NKAIN2: variants seen among roughly 807,000 people sequenced by gnomAD.
NKAIN2 encodes sodium/potassium transporting ATPase interacting 2, also known as sodium/potassium-transporting ATPase subunit beta-1-interacting protein 2.
NKAIN2 carries 14 observed loss-of-function variants against 32.6 expected under a neutral mutation model. The ratio of observed to expected loss-of-function variants is 0.43; its 90% CI spans 0.28 to 0.67. NKAIN2 has a LOEUF of 0.67. Ranked by LOEUF, NKAIN2 falls within the 30% of genes least tolerant of loss-of-function variation. The probability of loss-of-function intolerance (pLI) is 0.17; values close to 1 mark genes in which losing one functional copy is unlikely to be tolerated. For missense variants in NKAIN2, 198 were observed against 258.3 expected (o/e 0.77, Z 1.60); for synonymous variants, 80 against 87.2 (o/e 0.92, Z 0.46).
intron 3 of NKAIN2, among the ~76,000 whole-genome samples, chr6:124,439,547 A>T (rs1469322644): frequency 6.6e-6 from 1 of 151,834 alleles, no homozygotes; most frequent in Non-Finnish European, 1.5e-5. Context: ...TAGGGTCTGT[A>T]TTAGGCCTTT....
At position 124,286,202 on chromosome 6, in the gene NKAIN2, TCAAA is replaced by T. The variant is rs577516214; in HGVS notation, c.192+3064_192+3067del. ...TCTTAATTTTAAATTGAACATTATA[TCAAA>T]CAATTTAAAAATTAACATGACTATT... On this transcript the variant is annotated intron_variant, in intron 2 of 6. Transcript: ENST00000368417. Among the ~76,000 whole-genome samples, 324 of 152,242 alleles carry T rather than the reference TCAAA, an allele frequency of 2.1e-3. 1 individual carries two copies. The highest frequency in any genetic ancestry group is 7.0e-3 in the African/African-American group (289 of 41,564).
At chr6:124,495,824 G>A (rs974539776) in intron 3 of NKAIN2, among the ~76,000 whole-genome samples, 1 of 152,084 alleles carries the variant, frequency 6.6e-6, no homozygotes, top group South Asian at 2.1e-4. Context: ...CAGGGGTAGA[G>A]CCAACCCATA....
intron 4 of NKAIN2, among the ~76,000 whole-genome samples, chr6:124,769,253 CT>C (rs1282809297): frequency 6.6e-6 from 1 of 152,106 alleles, no homozygotes; most frequent in African/African-American, 2.4e-5. Flanking sequence ...ATAAGAAAGG[CT>C]ACAGATGCCC....
At chr6:124,610,708 A>G (rs1241972177) in intron 3 of NKAIN2, among the ~76,000 whole-genome samples, 1 of 152,192 alleles carries the variant, frequency 6.6e-6, no homozygotes, top group African/African-American at 2.4e-5. Context: ...GATTCATGTT[A>G]GAAGAGGAAG....
At chr6:124,386,708 A>G (rs1772915473) in intron 3 of NKAIN2, among the ~76,000 whole-genome samples, 1 of 152,118 alleles carries the variant, frequency 6.6e-6, no homozygotes, top group Non-Finnish European at 1.5e-5. Flanking sequence ...TTAATTGCCA[A>G]TCCTCTTCAA....
At chr6:124,248,001 A>C (rs1479550197) in intron 1 of NKAIN2, among the ~76,000 whole-genome samples, 3 of 152,156 alleles carry the variant, frequency 2.0e-5, no homozygotes, top group South Asian at 2.1e-4. Context: ...GTGACTCTTC[A>C]TATCATACCA....
chr6:124,739,531 G>C (rs1247059339), intron 4 of NKAIN2, among the ~76,000 whole-genome samples: 1 of 151,872 alleles, frequency 6.6e-6, no homozygotes, highest in Non-Finnish European at 1.5e-5. Flanking sequence ...ATCATCAAGA[G>C]ATGTTACCTG....
intron 1 of NKAIN2, among the ~76,000 whole-genome samples, chr6:123,950,170 G>T (rs1384932762): frequency 1.3e-5 from 2 of 151,950 alleles, no homozygotes; most frequent in Non-Finnish European, 2.9e-5. Context: ...TCGTTTTAAT[G>T]TGCTGTTGGA....
At chr6:123,895,088 C>G (rs1774208283) in intron 1 of NKAIN2, among the ~76,000 whole-genome samples, 1 of 151,578 alleles carries the variant, frequency 6.6e-6, no homozygotes, top group African/African-American at 2.4e-5. Flanking sequence ...TTTCCTGCCC[C>G]TCTGTCCTAC....
chr6:123,892,573 A>T (rs1774072853), intron 1 of NKAIN2, among the ~76,000 whole-genome samples: 1 of 152,040 alleles, frequency 6.6e-6, no homozygotes, highest in Admixed American at 6.5e-5. Context: ...GGATTATTAT[A>T]ATTCAAAATG....
At chr6:124,337,972 G>C (rs1035837149) in intron 2 of NKAIN2, among the ~76,000 whole-genome samples, 3 of 152,136 alleles carry the variant, frequency 2.0e-5, no homozygotes, top group African/African-American at 7.2e-5. Context: ...CTTACGCATA[G>C]TATCATTGTC....
chr6:123,976,288 TATATGTTTCC>T (rs1322350730), intron 1 of NKAIN2, among the ~76,000 whole-genome samples: 11 of 116,442 alleles, frequency 9.4e-5, no homozygotes, highest in South Asian at 2.8e-4. Context: ...TGTTTCCATA[TATATGTTTCC>T]ATATATATGT....
At chr6:123,820,826 G>A (rs1241377889) in intron 1 of NKAIN2, among the ~76,000 whole-genome samples, 3 of 152,102 alleles carry the variant, frequency 2.0e-5, no homozygotes, top group African/African-American at 7.2e-5. Flanking sequence ...AAGCCTATAG[G>A]AAAATGCTAC....
chr6:124,518,805 A>G (rs935692197), intron 3 of NKAIN2, among the ~76,000 whole-genome samples: 2 of 152,192 alleles, frequency 1.3e-5, no homozygotes, highest in Non-Finnish European at 2.9e-5. Context: ...CGTTTTGACT[A>G]TATTCACATG....
At chr6:123,883,111 G>A (rs2114336012) in intron 1 of NKAIN2, among the ~76,000 whole-genome samples, 1 of 152,180 alleles carries the variant, frequency 6.6e-6, no homozygotes. Context: ...TCATGGGGTT[G>A]ATTTCTCCTT....
At chr6:124,590,625 A>G (rs1781876399) in intron 3 of NKAIN2, among the ~76,000 whole-genome samples, 1 of 152,202 alleles carries the variant, frequency 6.6e-6, no homozygotes, top group Admixed American at 6.5e-5. Flanking sequence ...TGGCATTTCC[A>G]GGTGAGTAGG....
intron 1 of NKAIN2, among the ~76,000 whole-genome samples, chr6:123,851,960 A>G (rs1272934621): frequency 6.6e-6 from 1 of 152,158 alleles, no homozygotes; most frequent in Non-Finnish European, 1.5e-5. Context: ...TGAAATTCAC[A>G]TAATCCATTT....
At chr6:124,681,037 A>T (rs1223743486) in intron 4 of NKAIN2, among the ~76,000 whole-genome samples, 1 of 151,916 alleles carries the variant, frequency 6.6e-6, no homozygotes, top group African/African-American at 2.4e-5. Context: ...GGATGCAAAA[A>T]CTGAGAACAG....
Position 124,525,637 on chromosome 6 carries a change from G to A in NKAIN2, c.274-132549G>A, listed in dbSNP as rs541478243. 3.3e-5 allele frequency among the ~76,000 whole-genome samples: 5 copies of A among 152,164 alleles called. 1 individual carries two copies. In the South Asian group the frequency reaches 8.3e-4, roughly 25 times the overall value. On this transcript the variant is annotated intron_variant, in intron 3 of 6. Coordinates refer to ENST00000368417, the MANE Select transcript of NKAIN2 (RefSeq NM_001040214.3). ...CCCCTGTCATAATAATGTATAAATA[G>A]AGATTAATTTTAATTTCTTCACAAC...
Sources: allele counts gnomAD v4.1 joint callset (sites outside exome capture counted in the v4.1 genomes callset), GRCh38; gene constraint gnomAD v4.1.1; transcripts MANE v1.5; gene names NCBI Gene and HGNC (gene_info 2026-07-23, HGNC 2026-07-21).